EWSR1: variants seen among roughly 807,000 people sequenced by gnomAD.
The protein encoded by EWSR1 is EWS RNA binding protein 1.
In EWSR1, 14 loss-of-function variants were observed where a neutral mutation model predicts 92.1. The observed-to-expected ratio is 0.15, with a 90% CI of 0.10 to 0.24. The LOEUF (loss-of-function observed/expected upper bound fraction) is 0.24, where lower values mean the gene tolerates loss of function less well. EWSR1 is among the 10% of genes least tolerant of loss of function. The pLI is 1.00. For synonymous variants in EWSR1, 303 were observed against 292.9 expected (o/e 1.03, Z -0.35); for missense variants, 637 against 870.9 (o/e 0.73, Z 3.38).
chr22:29,283,528 T>C lies in EWSR1; in HGVS notation c.581+971T>C, dbSNP rs185419188. ...CACACCTGACTAACTTTTCTTTTTG[T>C]TTTATTGTTGTTTTGAGATGGAGTT... On this transcript the variant is annotated intron_variant, in intron 6 of 16. Transcript: ENST00000397938. Among the ~76,000 whole-genome samples the C allele has an allele frequency of 1.2e-4, 18 of 151,040 alleles. No individual in the cohort carries two copies. The East Asian group carries it at 2.7e-3, about 23-fold the overall frequency.
At chr22:29,282,247 T>G (rs1184321233) in intron 5 of EWSR1, 143 bp from the exon 6 acceptor site, 3 of 657,170 alleles carry the variant, frequency 4.6e-6, no homozygotes, top group South Asian at 2.2e-5. Flanking sequence ...AGGATTGTAT[T>G]TATTATTGTA....
At position 29,268,378 on chromosome 22, in the gene EWSR1, G is replaced by C. The variant is rs202208272; in HGVS notation, c.13+29G>C. The C allele has an allele frequency of 3.1e-6, 5 of 1,613,932 alleles. No individual in the cohort carries two copies. The Admixed American group carries it at 5.0e-5, about 16-fold the overall frequency. The stretch of plus-strand genomic sequence containing the variant: ...AGTATGGTGGAACTGCGGTCGCGCC[G>C]GCGGTAGCCGGAACGCCCAAACTGG... On this transcript the variant is annotated intron_variant, in intron 1 of 16. Transcript: ENST00000397938.
At chr22:29,278,550 C>T (rs1226845585) in intron 5 of EWSR1, among the ~76,000 whole-genome samples, 1 of 152,034 alleles carries the variant, frequency 6.6e-6, no homozygotes, top group Non-Finnish European at 1.5e-5. Context: ...ACCGGGGGGG[C>T]GCAGTGGCTC....
chr22:29,290,690 A>G, intron 8 of EWSR1: 1 of 1,354,798 alleles, frequency 7.4e-7, no homozygotes, highest in Non-Finnish European at 9.5e-7. Context: ...TTAAAGAGAG[A>G]GAACATTTTA....
At chr22:29,285,758 C>G (rs1169293946) in intron 6 of EWSR1, among the ~76,000 whole-genome samples, 1 of 151,404 alleles carries the variant, frequency 6.6e-6, no homozygotes, top group Admixed American at 6.5e-5. Context: ...GTCAGCCTTC[C>G]CCAAGTGCAT....
At chr22:29,297,458 A>T (rs2060954684) in intron 12 of EWSR1, among the ~76,000 whole-genome samples, 1 of 152,210 alleles carries the variant, frequency 6.6e-6, no homozygotes, top group African/African-American at 2.4e-5. Flanking sequence ...TCAGGAGGCC[A>T]AGGCAGGAGG....
Position 29,268,305 on chromosome 22 carries a change from G to A in EWSR1, c.-32G>A. On this transcript the variant is annotated 5_prime_UTR_variant, in exon 1 of 17. Transcript: ENST00000397938. Reference sequence around the variant, plus strand: ...CTAGAGGGAAAGCGAGAGGGAGACGGACGTTGAGAGAACGAGGAGGAAGGA... The same window carrying A: ...CTAGAGGGAAAGCGAGAGGGAGACGAACGTTGAGAGAACGAGGAGGAAGGA... 6 of 1,612,154 alleles carry A rather than the reference G, an allele frequency of 3.7e-6. No individual in the cohort carries two copies. Among genetic ancestry groups the A allele is most frequent in the Non-Finnish European group, 5.1e-6 (6 of 1,178,242 alleles).
chr22:29,289,334 A>G (rs2060274913), intron 8 of EWSR1: 1 of 230,242 alleles, frequency 4.3e-6, no homozygotes, highest in Non-Finnish European at 8.6e-6. Flanking sequence ...AGCAAAGAAA[A>G]ATCCAATAGC....
rs764611244 is a variant in EWSR1 at position 29,286,905 on chromosome 22, C to G, written c.582-18C>G. On this transcript the variant is annotated intron_variant, in intron 6 of 16. Transcript: ENST00000397938. ...TTTCTAAAAAAGCTTTTTTTTTTTT[C>G]TCTTCTCTCTCTTTCAGCTATTCCT... is the stretch of plus-strand genomic sequence containing the variant. 1.1e-5 allele frequency: 16 copies of G among 1,432,072 alleles called. No individual in the cohort carries two copies. The highest frequency in any genetic ancestry group is 1.4e-5 in the Non-Finnish European group (15 of 1,063,134). 88.7% of individuals were successfully genotyped at this position (1,432,072 alleles called of 1,614,324 possible). A position where few individuals can be genotyped will look rare whatever the true frequency, so the allele number is the denominator to read the frequency against.
At position 29,292,172 on chromosome 22, in the gene EWSR1, A is replaced by G. The variant is rs2060488557; in HGVS notation, c.1045+3A>G. 6.2e-7 allele frequency: 1 copy of G among 1,613,622 alleles called. No homozygotes were observed. The highest frequency in any genetic ancestry group is 1.3e-5 in the African/African-American group (1 of 74,918). On this transcript the variant is annotated splice_donor_region_variant and intron_variant, in intron 10 of 16. Coordinates refer to ENST00000397938, the MANE Select transcript of EWSR1 (RefSeq NM_005243.4). ...TGAAGGACCAGATCTTGATCTAGGT[A>G]ATTTTGAATTCTAGTTGTGCTTCAT... is the stretch of plus-strand genomic sequence containing the variant.
At chr22:29,273,551 T>A (rs920706596) in intron 3 of EWSR1, among the ~76,000 whole-genome samples, 190 bp from the exon 4 acceptor site, 1 of 152,216 alleles carries the variant, frequency 6.6e-6, no homozygotes, top group Admixed American at 6.5e-5. Flanking sequence ...TACCATAATA[T>A]GAGTGAACCA....
intron 8 of EWSR1, chr22:29,290,425 G>A: frequency 6.2e-7 from 1 of 1,611,594 alleles, no homozygotes; most frequent in Non-Finnish European, 8.5e-7. Context: ...TACAAAGTGA[G>A]AGCCTTGTAT....
chr22:29,287,063 C>A lies in EWSR1; in HGVS notation c.722C>A (p.Pro241Gln), dbSNP rs2060100839. The A allele has an allele frequency of 1.2e-6, 2 of 1,613,972 alleles. No individual in the cohort carries two copies. The highest frequency in any genetic ancestry group is 2.2e-5 in the South Asian group (2 of 91,074). The change falls in exon 7 of 17, where the codon CCA becomes CAA. Residue 241 changes from proline (P) to glutamine (Q), a missense_variant. By Grantham distance (76) the Pro-to-Gln change is moderately conservative. Around this residue, in one of 5 missense-constraint regions of EWSR1, gnomAD observed 116 missense variants for 167.8 expected, o/e 0.69. Coordinates refer to ENST00000397938, the MANE Select transcript of EWSR1 (RefSeq NM_005243.4). ...SYGQQPPTSY[P>Q]PQTGSYSQAP... The stretch of plus-strand genomic sequence containing the variant: ...GGGCAGCAGCCTCCCACTAGTTACC[C>A]ACCCCAAACTGGATCCTACAGCCAA...
Position 29,300,450 on chromosome 22 carries a change from T to A in EWSR1, c.*289T>A. 1 of 336,584 alleles carries A rather than the reference T, an allele frequency of 3.0e-6. No homozygotes were observed. 20.8% of individuals were successfully genotyped at this position (336,584 alleles called of 1,614,324 possible). A position where few individuals can be genotyped will look rare whatever the true frequency, so the allele number is the denominator to read the frequency against. ...ATTGTGGAGAACCAAGAGGGCCTCT[T>A]AACTGTAACAATGTTCATGGTTGTG... On this transcript the variant is annotated 3_prime_UTR_variant, in exon 17 of 17. Transcript: ENST00000397938.
At position 29,298,875 on chromosome 22, in the gene EWSR1, A is replaced by G. The variant is rs2061103584; in HGVS notation, c.1560A>G (p.Gly520=). 4 of 1,558,602 alleles carry G rather than the reference A, an allele frequency of 2.6e-6. No homozygotes were observed. In the East Asian group the frequency reaches 9.0e-5, roughly 35 times the overall value. ...GAGGAAACGTCCAGCACCGAGCTGG[A>G]GACTGGCAGTGTCCCAATCCGTATG... ...SGGGNVQHRA[G]DWQCPNPGCG... The change falls in exon 14 of 17, where the codon GGA becomes GGG. Residue 520 remains glycine (G), a synonymous_variant. Coordinates refer to ENST00000397938, the MANE Select transcript of EWSR1 (RefSeq NM_005243.4).
rs1414570933 is a variant in EWSR1 at position 29,298,857 on chromosome 22, C to T, written c.1542C>T (p.Asn514=). ...GAGGGAACCCCTCTGGAGGAGGAAA[C>T]GTCCAGCACCGAGCTGGAGACTGGC... ...GSRGNPSGGG[N]VQHRAGDWQC... Residue 514 remains asparagine, a synonymous_variant, in exon 14 of 17, where the codon AAC becomes AAT. Transcript: ENST00000397938. The T allele has an allele frequency of 1.3e-5, 21 of 1,572,738 alleles. No individual in the cohort carries two copies. Among genetic ancestry groups the T allele is most frequent in the Middle Eastern group, 1.7e-4 (1 of 5,840 alleles).
Position 29,282,488 on chromosome 22 carries a change from G to C in EWSR1, c.512G>C (p.Ser171Thr). 6.4e-7 allele frequency: 1 copy of C among 1,570,724 alleles called. No individual in the cohort carries two copies. The highest frequency in any genetic ancestry group is 8.6e-7 in the Non-Finnish European group (1 of 1,163,868). ...CTAGGATATGGACAGAGTAACTACAGTTATCCCCAGGTACCTGGGAGCTAC... is the reference window on the plus strand; with the variant it reads ...CTAGGATATGGACAGAGTAACTACACTTATCCCCAGGTACCTGGGAGCTAC... ...PSLGYGQSNY[S>T]YPQVPGSYPM... The change falls in exon 6 of 17, where the codon AGT becomes ACT. Residue 171 changes from serine (S) to threonine (T), a missense_variant. Coordinates refer to ENST00000397938, the MANE Select transcript of EWSR1 (RefSeq NM_005243.4).
chr22:29,299,385 T>C, intron 15 of EWSR1, 54 bp downstream of exon 15: 1 of 1,572,432 alleles, frequency 6.4e-7, no homozygotes, highest in Non-Finnish European at 8.6e-7. Flanking sequence ...AAACCTCTTT[T>C]CTTATTTGTG....
chr22:29,298,662 A>G, intron 13 of EWSR1, 71 bp from the exon 14 acceptor site: 2 of 1,587,272 alleles, frequency 1.3e-6, no homozygotes, highest in South Asian at 2.2e-5. Flanking sequence ...TTACTTAGTG[A>G]TTTTTATTTC....
Sources: allele counts gnomAD v4.1 joint callset (sites outside exome capture counted in the v4.1 genomes callset), GRCh38; gene constraint gnomAD v4.1.1; regional missense constraint gnomAD v4.1.1; transcripts MANE v1.5; gene names NCBI Gene and HGNC (gene_info 2026-07-23, HGNC 2026-07-21).